TTN: variants seen among roughly 807,000 people sequenced by gnomAD.
TTN encodes the protein titin.
Under a neutral mutation model 3,223.0 loss-of-function variants are expected in TTN, and 1,525 were observed. The observed-to-expected ratio is 0.47, with a 90% CI of 0.45 to 0.49. The LOEUF is 0.49. Among genes scored for constraint, TTN ranks in the 20% least tolerant of loss-of-function variants. The pLI is 0.00. For synonymous variants in TTN, 14,094 were observed against 15,161.0 expected (o/e 0.93, Z 5.17); for missense variants, 40,786 against 43,424.0 (o/e 0.94, Z 5.40).
intron 360 of TTN, 44 bp from the exon 361 acceptor site, chr2:178,528,471 T>C (rs1315270515): frequency 6.9e-6 from 11 of 1,603,140 alleles, no homozygotes; most frequent in Middle Eastern, 1.7e-4. Flanking sequence ...GTTCTTCAGA[T>C]GTGGAAGACA....
At chr2:178,748,165 T>C in intron 47 of TTN, 2 of 1,613,202 alleles carry the variant, frequency 1.2e-6, no homozygotes, top group African/African-American at 1.3e-5. Context: ...AAAGATCAGT[T>C]TCTTCTATAT....
intron 94 of TTN, 31 bp from the exon 95 acceptor site, chr2:178,712,624 A>C (rs1486267005): frequency 6.2e-7 from 1 of 1,606,564 alleles, no homozygotes; most frequent in East Asian, 2.2e-5. Context: ...ATATAAAATC[A>C]AACACATATA....
Position 178,677,677 on chromosome 2 carries a change from A to C in TTN, c.34235T>G (p.Val11412Gly), listed in dbSNP as rs2068405251. The change falls in exon 146 of 363, where the codon GTA becomes GGA. Residue 11412 changes from valine to glycine, a missense_variant. By Grantham distance (109) the Val-to-Gly change is moderately radical. Transcript: ENST00000589042. Reference protein sequence around the residue: ...EEYVPEEEEFVPEEEVLPEVK... With the variant: ...EEYVPEEEEFGPEEEVLPEVK... ...TTCTGGAAGGACTTCTTCTTCAGGT[A>C]CAAATTCTTCTTCCTCAGGTACATA... 1.9e-6 allele frequency: 3 copies of C among 1,612,378 alleles called. No homozygotes were observed. Among genetic ancestry groups the C allele is most frequent in the Admixed American group, 3.3e-5 (2 of 59,814 alleles).
chr2:178,671,256 A>G, intron 155 of TTN, 86 bp from the exon 156 acceptor site: 1 of 876,820 alleles, frequency 1.1e-6, no homozygotes, highest in South Asian at 2.1e-5. Flanking sequence ...ATGAGGGGTC[A>G]CAAAATTCTT....
At position 178,784,174 on chromosome 2, in the gene TTN, T is replaced by TG; in HGVS notation, c.2670dup (p.Lys891GlnfsTer3). 1.2e-6 allele frequency: 2 copies of TG among 1,614,142 alleles called. No homozygotes were observed. The highest frequency in any genetic ancestry group is 8.5e-7 in the Non-Finnish European group (1 of 1,179,988). The stretch of plus-strand genomic sequence containing the variant: ...TTCACCTCAACGCCAGCTTCACTCT[T>TG]GTAAGTATCTGGTGTGTCAGCGAAG... On this transcript the variant is annotated frameshift_variant, in exon 16 of 363. Coordinates refer to ENST00000589042, the MANE Select transcript of TTN (RefSeq NM_001267550.2). LOFTEE classifies it high-confidence loss of function.
chr2:178,562,352 G>C lies in TTN; in HGVS notation c.83780C>G (p.Thr27927Ser), dbSNP rs1271253201. 1.9e-6 allele frequency: 3 copies of C among 1,611,106 alleles called. No individual in the cohort carries two copies. Among genetic ancestry groups the C allele is most frequent in the South Asian group, 2.2e-5 (2 of 90,476 alleles). The change falls in exon 326 of 363, where the codon ACT (threonine) becomes AGT (serine). Residue 27927 changes from threonine to serine, a missense_variant. Physicochemically the swap from Thr to Ser is moderately conservative, Grantham distance 58. Coordinates refer to ENST00000589042, the MANE Select transcript of TTN (RefSeq NM_001267550.2). The stretch of plus-strand genomic sequence containing the variant: ...CCTGAAGACATACTCTTCTCCTGCA[G>C]TTAAGCCAGATATAGTTGCTTCTAG... The part of the protein sequence containing the change: ...KTLEATISGL[T>S]AGEEYVFRVA...
At chr2:178,550,750 T>G in intron 336 of TTN, 1 of 555,800 alleles carries the variant, frequency 1.8e-6, no homozygotes, top group Non-Finnish European at 3.1e-6. Context: ...ACTTGCTGCA[T>G]GCTCTTTATA....
chr2:178,633,491 T>A lies in TTN; in HGVS notation c.42868A>T (p.Lys14290Ter). Residue 14290 changes from lysine to a stop codon, truncating the protein, a stop_gained, in exon 232 of 363, where the codon AAG (lysine) becomes TAG (stop). Coordinates refer to ENST00000589042, the MANE Select transcript of TTN (RefSeq NM_001267550.2). LOFTEE classifies it high-confidence loss of function. ...DGLRRILKIK[K>*]ADLKDKGEYV... The stretch of plus-strand genomic sequence containing the variant: ...TCGCCTTTATCTTTAAGGTCCGCCT[T>A]TTTGATTTTTAAGATGCGGCGCAGG... 1 of 1,613,320 alleles carries A rather than the reference T, an allele frequency of 6.2e-7. No homozygotes were observed. The highest frequency in any genetic ancestry group is 8.5e-7 in the Non-Finnish European group (1 of 1,179,586).
chr2:178,558,864 C>A, intron 326 of TTN: 1 of 513,382 alleles, frequency 1.9e-6, no homozygotes, highest in South Asian at 2.8e-5. Flanking sequence ...GTAAAATGAC[C>A]AGATTAAATG....
At chr2:178,707,440 AT>A (rs1246183408) in intron 100 of TTN, 85 bp downstream of exon 100, 1 of 1,425,038 alleles carries the variant, frequency 7.0e-7, no homozygotes, top group African/African-American at 1.4e-5. Flanking sequence ...TAAAAATCTA[AT>A]TCCATTTCTA....
chr2:178,615,768 A>T lies in TTN; in HGVS notation c.48333T>A (p.Asp16111Glu). ...CAAGATCAGGAACTGTGAATTCTAGATCAGTCACAAAGTCCATAACCTGGG... is the reference window on the plus strand; with the variant it reads ...CAAGATCAGGAACTGTGAATTCTAGTTCAGTCACAAAGTCCATAACCTGGG... The part of the protein sequence containing the change: ...TWTKVMDFVT[D>E]LEFTVPDLVQ... The change falls in exon 258 of 363, where the codon GAT becomes GAA. Residue 16111 changes from aspartate to glutamate, a missense_variant. Coordinates refer to ENST00000589042, the MANE Select transcript of TTN (RefSeq NM_001267550.2). 1 of 1,611,792 alleles carries T rather than the reference A, an allele frequency of 6.2e-7. No homozygotes were observed. Among genetic ancestry groups the T allele is most frequent in the South Asian group, 1.1e-5 (1 of 90,934 alleles).
At position 178,785,628 on chromosome 2, in the gene TTN, C is replaced by T; in HGVS notation, c.2485G>A (p.Gly829Arg). Residue 829 changes from glycine (G) to arginine (R), a missense_variant, in exon 15 of 363, where the codon GGA becomes AGA. Coordinates refer to ENST00000589042, the MANE Select transcript of TTN (RefSeq NM_001267550.2). ...GCTCTGTAACTTCTTACCTCATATC[C>T]ATGTTCTGTCTTAGGAACAGAAATT... ...SKISVPKTEH[G>R]YEASIAGSAI... 6.2e-7 allele frequency: 1 copy of T among 1,614,094 alleles called. No individual in the cohort carries two copies. The highest frequency in any genetic ancestry group is 8.5e-7 in the Non-Finnish European group (1 of 1,179,984).
At chr2:178,770,780 C>T in intron 34 of TTN, 105 bp from the exon 35 acceptor site, 2 of 1,407,140 alleles carry the variant, frequency 1.4e-6, no homozygotes, top group East Asian at 2.3e-5. Flanking sequence ...AGAATGGCTA[C>T]CAAACATTTT....
At chr2:178,791,997 A>C in intron 10 of TTN, 75 bp downstream of exon 10, 1 of 1,523,340 alleles carries the variant, frequency 6.6e-7, no homozygotes, top group Non-Finnish European at 9.0e-7. Flanking sequence ...AAGGGTTTTG[A>C]CTATAAGCTA....
intron 47 of TTN, chr2:178,751,828 T>A (rs2085610535): frequency 6.2e-7 from 1 of 1,612,866 alleles, no homozygotes; most frequent in African/African-American, 1.3e-5. Flanking sequence ...TTAATCTACA[T>A]GTAAAAACAA....
chr2:178,695,856 T>G lies in TTN; in HGVS notation c.31207+9A>C. ...AAAGAGGGAAACAAGTCATTCAGTT[T>G]ATACATACCTTCATAGACCTCCTTT... is the stretch of plus-strand genomic sequence containing the variant. On this transcript the variant is annotated intron_variant, in intron 114 of 362. Coordinates refer to ENST00000589042, the MANE Select transcript of TTN (RefSeq NM_001267550.2). 7.0e-7 allele frequency: 1 copy of G among 1,426,470 alleles called. No homozygotes were observed. Among genetic ancestry groups the G allele is most frequent in the Non-Finnish European group, 9.2e-7 (1 of 1,089,456 alleles). The allele number at this position is 1,426,470 out of a possible 1,614,324, so 88.4% of individuals were successfully genotyped here.
In TTN at chr2:178,665,797, A is replaced by AAGATAT; in HGVS notation, c.35876-12_35876-7dup. ...TTCTCGAGGTGATTCAGGCACTTTA[A>AAGATAT]AGATATGAATGCATTGTACTTTGGA... On this transcript the variant is annotated splice_polypyrimidine_tract_variant and splice_region_variant and intron_variant, in intron 163 of 362. Coordinates refer to ENST00000589042, the MANE Select transcript of TTN (RefSeq NM_001267550.2). 7.8e-7 allele frequency: 1 copy of AAGATAT among 1,280,310 alleles called. No individual in the cohort carries two copies. The highest frequency in any genetic ancestry group is 2.8e-5 in the East Asian group (1 of 35,148). 79.3% of individuals were successfully genotyped at this position (1,280,310 alleles called of 1,614,324 possible). A position where few individuals can be genotyped will look rare whatever the true frequency, so the allele number is the denominator to read the frequency against.
At chr2:178,728,835 G>A in intron 65 of TTN, 56 bp downstream of exon 65, 2 of 1,571,904 alleles carry the variant, frequency 1.3e-6, no homozygotes, top group Non-Finnish European at 1.7e-6. Flanking sequence ...TAGAAATAAT[G>A]TCTGCTAATG....
rs752725604 is a variant in TTN, at chr2:178,587,705, G to A, written c.63604C>T (p.Pro21202Ser). ...IRLFAIVRGR[P>S]APKVTWRKVG... ...TTTCGCCAAGTGACTTTAGGGGCTGGTCGTCCTCTCACTATAGCAAAGAGA... is the reference window on the plus strand; with the variant it reads ...TTTCGCCAAGTGACTTTAGGGGCTGATCGTCCTCTCACTATAGCAAAGAGA... The change falls in exon 306 of 363, where the codon CCA becomes TCA. Residue 21202 changes from proline (P) to serine (S), a missense_variant. Physicochemically the swap from Pro to Ser is moderately conservative, Grantham distance 74. Transcript: ENST00000589042. 4 of 1,612,882 alleles carry A rather than the reference G, an allele frequency of 2.5e-6. No individual in the cohort carries two copies. Among genetic ancestry groups the A allele is most frequent in the South Asian group, 1.1e-5 (1 of 91,034 alleles).
Sources: allele counts gnomAD v4.1 joint callset, GRCh38; gene constraint gnomAD v4.1.1; transcripts MANE v1.5; gene names NCBI Gene and HGNC (gene_info 2026-07-23, HGNC 2026-07-21).